Variants in CTBP1 observed in about 807,000 individuals in gnomAD.
CTBP1 encodes C-terminal-binding protein 1.
A neutral mutation model predicts 42.1 loss-of-function variants in CTBP1; 11 were observed. That is an observed-to-expected ratio of 0.26 (90% confidence interval 0.16 to 0.43). The LOEUF (loss-of-function observed/expected upper bound fraction) is 0.43. CTBP1 is among the 20% of genes least tolerant of loss of function. The pLI, the probability that CTBP1 is intolerant of heterozygous loss-of-function variation, is 1.00. For missense variants in CTBP1, 399 were observed against 624.3 expected (o/e 0.64, Z 3.85); for synonymous variants, 324 against 277.1 (o/e 1.17, Z -1.68).
At chr4:1,248,453 G>A (rs1732986471) in intron 1 of CTBP1, among the ~76,000 whole-genome samples, 1 of 150,416 alleles carries the variant, frequency 6.6e-6, no homozygotes, top group Non-Finnish European at 1.5e-5. Flanking sequence ...CGAGTGGCCC[G>A]GGAGCGCGCG....
At chr4:1,215,190 C>T (rs1255925856) in intron 6 of CTBP1, among the ~76,000 whole-genome samples, 4 of 152,220 alleles carry the variant, frequency 2.6e-5, no homozygotes, top group Admixed American at 6.5e-5. Flanking sequence ...ACCCTGTCCC[C>T]TAGAAGGCTC....
chr4:1,250,018 G>A (rs1733177515), upstream of CTBP1: 1 of 158,808 alleles, frequency 6.3e-6, no homozygotes, highest in African/African-American at 2.4e-5. Context: ...TCCTCGCGCC[G>A]CGAGTGGACG....
At chr4:1,234,311 C>A (rs1731263645) in intron 3 of CTBP1, among the ~76,000 whole-genome samples, 1 of 152,178 alleles carries the variant, frequency 6.6e-6, no homozygotes, top group Non-Finnish European at 1.5e-5. Flanking sequence ...TAATTTCAAG[C>A]TCTCCTAGTT....
In CTBP1 at chr4:1,228,349, G is replaced by A. The variant is rs768912500; in HGVS notation, c.163-6C>T. On this transcript the variant is annotated splice_region_variant and splice_polypyrimidine_tract_variant and intron_variant, in intron 3 of 9. Transcript: ENST00000382952. ...CCCACAGCCTCGTTCAGGACCTGCA[G>A]CGAGAAAGCACACAGGCTCAGCCCG... 9 of 1,612,374 alleles carry A rather than the reference G, an allele frequency of 5.6e-6. No homozygotes were observed. In the Admixed American group the frequency reaches 1.5e-4, roughly 27 times the overall value.
At chr4:1,244,149 G>A (rs1400845039) in intron 1 of CTBP1, 9 of 985,098 alleles carry the variant, frequency 9.1e-6, no homozygotes, top group Admixed American at 6.2e-5. Flanking sequence ...ACATGTCAAC[G>A]CCCTGTCTCT....
intron 1 of CTBP1, among the ~76,000 whole-genome samples, chr4:1,247,269 C>A (rs1389228466): frequency 6.6e-6 from 1 of 152,224 alleles, no homozygotes; most frequent in Non-Finnish European, 1.5e-5. Context: ...GCGGACGAGG[C>A]ACCCCCAGGA....
chr4:1,215,644 T>C (rs1729025117), intron 6 of CTBP1: 1 of 349,558 alleles, frequency 2.9e-6, no homozygotes, highest in Non-Finnish European at 5.4e-6. Flanking sequence ...ATGTGAAACC[T>C]GAACCTGGCA....
intron 5 of CTBP1, among the ~76,000 whole-genome samples, chr4:1,223,728 T>C (rs1730002439): frequency 1.4e-5 from 2 of 146,734 alleles, no homozygotes; most frequent in African/African-American, 5.1e-5. Flanking sequence ...GCCCAGATGC[T>C]CCCCCTCCCT....
At chr4:1,237,040 G>A in intron 3 of CTBP1, 1 of 659,548 alleles carries the variant, frequency 1.5e-6, no homozygotes, top group Non-Finnish European at 2.8e-6. Flanking sequence ...ACCTCCTGAT[G>A]GCGCTCAGGA....
intron 1 of CTBP1, among the ~76,000 whole-genome samples, chr4:1,248,338 C>T (rs1732969639): frequency 6.6e-6 from 1 of 151,714 alleles, no homozygotes; most frequent in Non-Finnish European, 1.5e-5. Flanking sequence ...GGTCTGAGGG[C>T]AGCGGCCTCC....
intron 1 of CTBP1, among the ~76,000 whole-genome samples, chr4:1,248,323 G>A (rs994056370): frequency 6.6e-6 from 1 of 151,764 alleles, no homozygotes; most frequent in African/African-American, 2.4e-5. Flanking sequence ...CTGCGCTTTG[G>A]GCCCGGTCTG....
intron 9 of CTBP1, 81 bp from the exon 10 acceptor site, chr4:1,212,504 A>G: frequency 8.1e-7 from 1 of 1,237,252 alleles, no homozygotes; most frequent in Non-Finnish European, 1.1e-6. Context: ...CATCGGCAGC[A>G]CCGAGGGGGC....
upstream of CTBP1, chr4:1,249,726 C>A (rs1462737900): frequency 5.1e-6 from 2 of 394,722 alleles, no homozygotes; most frequent in East Asian, 1.2e-4. Flanking sequence ...CGGGGGAGCC[C>A]CGACTCCTGG....
chr4:1,230,652 CCTG>C (rs1280710971), intron 3 of CTBP1, among the ~76,000 whole-genome samples: 2 of 152,258 alleles, frequency 1.3e-5, no homozygotes, highest in South Asian at 2.1e-4. Flanking sequence ...CAGGCAACAG[CCTG>C]CTTTCACCCG....
At chr4:1,250,060 G>A (rs77350626), upstream of CTBP1, 1,796 of 161,554 alleles carry the variant, frequency 0.011, 48 homozygotes, top group African/African-American at 0.04. Flanking sequence ...GGGCCTCTGC[G>A]CGTGGCTACT....
intron 1 of CTBP1, chr4:1,245,644 C>T (rs558910186): frequency 7.8e-5 from 76 of 977,318 alleles, no homozygotes; most frequent in African/African-American, 2.6e-4. Context: ...GTGGCATGGA[C>T]GGGCAGGGTG....
Sources: allele counts gnomAD v4.1 joint callset (sites outside exome capture counted in the v4.1 genomes callset), GRCh38; gene constraint gnomAD v4.1.1; transcripts MANE v1.5; gene names NCBI Gene and HGNC (gene_info 2026-07-23, HGNC 2026-07-21).